Variants in CHIC1 observed in about 807,000 individuals in gnomAD.
The protein encoded by CHIC1 is cysteine rich hydrophobic domain 1.
A neutral mutation model predicts 18.5 loss-of-function variants in CHIC1; 7 were observed. The ratio of observed to expected loss-of-function variants is 0.38; its 90% confidence interval spans 0.22 to 0.71. The LOEUF (loss-of-function observed/expected upper bound fraction) is 0.71, where lower values mean the gene tolerates loss of function less well. Among genes scored for constraint, CHIC1 ranks in the 30% least tolerant of loss-of-function variants. The probability of loss-of-function intolerance (pLI) is 0.49; values close to 1 mark genes in which losing one functional copy is unlikely to be tolerated. For synonymous variants in CHIC1, 77 were observed against 73.5 expected, an observed-to-expected ratio of 1.05 and a Z score of -0.25; for missense variants, 159 against 176.9, an observed-to-expected ratio of 0.90 and a Z score of 0.57.
At chrX:73,588,984 A>C (rs2057567375) in intron 3 of CHIC1, among the ~76,000 whole-genome samples, 1 of 109,974 alleles carries the variant, frequency 9.1e-6, no homozygotes, top group Non-Finnish European at 1.9e-5. Flanking sequence ...ATTTCTTTTC[A>C]AAGAAAAAAC....
At chrX:73,630,593 T>C (rs1467557171) in intron 3 of CHIC1, among the ~76,000 whole-genome samples, 1 of 111,758 alleles carries the variant, frequency 8.9e-6, no homozygotes, top group Non-Finnish European at 1.9e-5. Context: ...AAATCTTACA[T>C]GATTGTGGTG....
intron 3 of CHIC1, among the ~76,000 whole-genome samples, chrX:73,643,789 T>G (rs915731423): frequency 8.9e-6 from 1 of 111,851 alleles, no homozygotes; most frequent in African/African-American, 3.3e-5. Flanking sequence ...TTCAAAGTTT[T>G]TAACTTCTTT....
At chrX:73,600,529 A>G (rs1183146543) in intron 3 of CHIC1, among the ~76,000 whole-genome samples, 2 of 108,097 alleles carry the variant, frequency 1.9e-5, no homozygotes, top group Non-Finnish European at 3.8e-5. Flanking sequence ...ATTTATTGAG[A>G]GTTTTTAGCA....
At chrX:73,597,855 G>C (rs969354997) in intron 3 of CHIC1, among the ~76,000 whole-genome samples, 5 of 110,385 alleles carry the variant, frequency 4.5e-5, no homozygotes, top group Admixed American at 2.9e-4. Context: ...CCATTTATGA[G>C]TGAGAACATG....
intron 3 of CHIC1, among the ~76,000 whole-genome samples, chrX:73,676,811 ATTTTT>A (rs1176736915): frequency 0.047 from 5,245 of 110,848 alleles, 326 homozygotes; most frequent in African/African-American, 0.16. Context: ...AGGTGCTCTG[ATTTTT>A]ACAGTTTCCA....
chrX:73,606,224 C>A (rs1350499923), intron 3 of CHIC1, among the ~76,000 whole-genome samples: 1 of 106,648 alleles, frequency 9.4e-6, no homozygotes, highest in Non-Finnish European at 1.9e-5. Flanking sequence ...TGCTTTATTT[C>A]ATTGAGTTGA....
At chrX:73,679,415 C>T in intron 4 of CHIC1, 33 bp downstream of exon 4, 2 of 925,050 alleles carry the variant, frequency 2.2e-6, no homozygotes, top group Non-Finnish European at 3.1e-6. Flanking sequence ...GTGCCCCATT[C>T]ATATATTTGC....
intron 3 of CHIC1, among the ~76,000 whole-genome samples, chrX:73,623,836 T>C (rs1160968444): frequency 1.8e-5 from 2 of 112,001 alleles, no homozygotes; most frequent in Admixed American, 1.9e-4. Flanking sequence ...TGACAAAATA[T>C]TTGATTTAAC....
intron 3 of CHIC1, among the ~76,000 whole-genome samples, chrX:73,666,344 G>A (rs2058004379): frequency 8.9e-6 from 1 of 111,891 alleles, no homozygotes; most frequent in Non-Finnish European, 1.9e-5. Context: ...TCTGCAAGCT[G>A]AGGAGGAAGG....
At chrX:73,577,232 T>C (rs1034035615) in intron 1 of CHIC1, among the ~76,000 whole-genome samples, 175 bp from the exon 2 acceptor site, 1 of 110,590 alleles carries the variant, frequency 9.0e-6, no homozygotes, top group Non-Finnish European at 1.9e-5. Flanking sequence ...TATGTTAGTT[T>C]GGATTAATAA....
intron 3 of CHIC1, among the ~76,000 whole-genome samples, chrX:73,661,077 A>C (rs1316067481): frequency 9.0e-6 from 1 of 111,516 alleles, no homozygotes; most frequent in African/African-American, 3.3e-5. Context: ...GGGGTTATAC[A>C]GGATGCTTGT....
chrX:73,662,173 T>C (rs2057984204), intron 3 of CHIC1, among the ~76,000 whole-genome samples: 1 of 110,744 alleles, frequency 9.0e-6, no homozygotes, highest in Non-Finnish European at 1.9e-5. Context: ...AAAGTGCTAT[T>C]TGCAGGTCTG....
chrX:73,601,750 C>CA (rs1318610235), intron 3 of CHIC1, among the ~76,000 whole-genome samples: 7 of 105,762 alleles, frequency 6.6e-5, no homozygotes, highest in African/African-American at 1.1e-4. Flanking sequence ...AAAAACCCTT[C>CA]AAAAAATTAA....
At chrX:73,619,024 T>C (rs748965565) in intron 3 of CHIC1, among the ~76,000 whole-genome samples, 1 of 111,834 alleles carries the variant, frequency 8.9e-6, no homozygotes, top group East Asian at 2.8e-4. Flanking sequence ...TAAAACCGTC[T>C]CAGTTCCAGG....
chrX:73,599,017 T>C lies in CHIC1; in HGVS notation c.507+14445T>C, dbSNP rs2057627110. Among the ~76,000 whole-genome samples the C allele has an allele frequency of 3.7e-5, 4 of 108,523 alleles. No individual in the cohort carries two copies. In the South Asian group the frequency reaches 1.7e-3, roughly 45 times the overall value. 94.2% of individuals were successfully genotyped at this position (108,523 alleles called of 115,157 possible). On this transcript the variant is annotated intron_variant, in intron 3 of 5. Transcript: ENST00000373502. ...TGTTGTTTCCTGACTTTTTAATGATTGCCATTCTAACTTGTGTGAGATGGT... is the reference window on the plus strand; with the variant it reads ...TGTTGTTTCCTGACTTTTTAATGATCGCCATTCTAACTTGTGTGAGATGGT...
intron 3 of CHIC1, among the ~76,000 whole-genome samples, chrX:73,606,897 C>A (rs2057685804): frequency 9.2e-6 from 1 of 108,797 alleles, no homozygotes; most frequent in African/African-American, 3.6e-5. Context: ...CTGGAGCTCC[C>A]CTCTATGAGG....
intron 3 of CHIC1, among the ~76,000 whole-genome samples, chrX:73,668,819 G>C (rs1341995782): frequency 8.9e-6 from 1 of 112,522 alleles, no homozygotes; most frequent in African/African-American, 3.2e-5. Flanking sequence ...CCAGTCAGGA[G>C]GAACAAGATC....
intron 3 of CHIC1, among the ~76,000 whole-genome samples, chrX:73,627,314 C>G (rs929779956): frequency 8.9e-6 from 1 of 112,319 alleles, no homozygotes; most frequent in Non-Finnish European, 1.9e-5. Flanking sequence ...TCGCTGACTA[C>G]TACCTATGTT....
At chrX:73,672,002 G>A (rs2058033410) in intron 3 of CHIC1, among the ~76,000 whole-genome samples, 1 of 111,022 alleles carries the variant, frequency 9.0e-6, no homozygotes, top group African/African-American at 3.3e-5. Flanking sequence ...TCCCACCTAT[G>A]AGTGAGAACA....
Sources: gnomAD v4.1 joint callset for allele counts (sites outside exome capture counted in the v4.1 genomes callset) on GRCh38, gnomAD v4.1.1 for gene constraint, MANE v1.5 for transcripts, NCBI Gene and HGNC (gene_info 2026-07-23, HGNC 2026-07-21) for gene names.